Variants in EFEMP1 observed in about 807,000 individuals in gnomAD.
EFEMP1 encodes the protein EGF-containing fibulin-like extracellular matrix protein 1.
In EFEMP1, 18 loss-of-function variants were observed where a neutral mutation model predicts 65.7. The observed-to-expected ratio is 0.27, with a 90% CI of 0.19 to 0.41. The LOEUF (loss-of-function observed/expected upper bound fraction) is 0.41, where lower values mean the gene tolerates loss of function less well. EFEMP1 is among the 10% of genes least tolerant of loss of function. EFEMP1 has a pLI of 1.00. For missense variants in EFEMP1, 469 were observed against 624.8 expected, an observed-to-expected ratio of 0.75 and a Z score of 2.66; for synonymous variants, 237 against 219.7, an observed-to-expected ratio of 1.08 and a Z score of -0.70.
chr2:55,904,016 C>G (rs1295752659), intron 5 of EFEMP1, among the ~76,000 whole-genome samples: 1 of 152,138 alleles, frequency 6.6e-6, no homozygotes, highest in Non-Finnish European at 1.5e-5. Flanking sequence ...AGAAGCAGCG[C>G]CTGGAAGATA....
chr2:55,909,655 T>G (rs1670408143), intron 5 of EFEMP1, among the ~76,000 whole-genome samples: 1 of 152,200 alleles, frequency 6.6e-6, no homozygotes, highest in Admixed American at 6.5e-5. Flanking sequence ...AACAGACTTT[T>G]GTCCTTAACC....
chr2:55,898,411 T>C (rs1669911046), intron 5 of EFEMP1, among the ~76,000 whole-genome samples: 1 of 152,218 alleles, frequency 6.6e-6, no homozygotes. Flanking sequence ...AAACTAATTA[T>C]TATGATCCAG....
chr2:55,879,445 A>G (rs1316737880), intron 6 of EFEMP1, among the ~76,000 whole-genome samples: 2 of 152,338 alleles, frequency 1.3e-5, no homozygotes, highest in East Asian at 3.9e-4. Flanking sequence ...CTATTATCCC[A>G]GTTCCTAGAA....
At chr2:55,872,923 T>C (rs1277625119) in intron 9 of EFEMP1, among the ~76,000 whole-genome samples, 3 of 152,080 alleles carry the variant, frequency 2.0e-5, no homozygotes, top group African/African-American at 7.2e-5. Flanking sequence ...TATAATTTCA[T>C]TTATTACTTC....
chr2:55,918,020 A>G lies in EFEMP1; in HGVS notation c.162T>C (p.Ala54=). The change falls in exon 5 of 12, where the codon GCT becomes GCC. Residue 54 remains alanine, a synonymous_variant. Coordinates refer to ENST00000355426, the MANE Select transcript of EFEMP1 (RefSeq NM_001039348.3). Reference sequence around the variant, plus strand: ...TGACACACTTCATTCCACCTTTACAAGCGTCTGGGACAATGTCACATTCAT... The same window carrying G: ...TGACACACTTCATTCCACCTTTACAGGCGTCTGGGACAATGTCACATTCAT... ...DIDECDIVPD[A]CKGGMKCVNH... The G allele has an allele frequency of 1.2e-6, 2 of 1,614,234 alleles. No homozygotes were observed. The highest frequency in any genetic ancestry group is 1.6e-4 in the Middle Eastern group (1 of 6,062).
intron 5 of EFEMP1, among the ~76,000 whole-genome samples, chr2:55,912,465 T>A (rs906057095): frequency 2.0e-5 from 3 of 152,312 alleles, no homozygotes; most frequent in African/African-American, 7.2e-5. Context: ...AAGAAAGATA[T>A]CCCTAGCATC....
In EFEMP1 at chr2:55,923,579, C is replaced by T. The variant is rs962387163; in HGVS notation, c.-49+132G>A. On this transcript the variant is annotated intron_variant, in intron 1 of 11. Coordinates refer to ENST00000355426, the MANE Select transcript of EFEMP1 (RefSeq NM_001039348.3). The surrounding 1 kb of genome is among the most constrained non-coding windows in gnomAD (Gnocchi z 5.3). The stretch of plus-strand genomic sequence containing the variant: ...GCACACCTCCACCTCCCTCTCTGCC[C>T]GAGACACCCTGCACAGTCCAGGGCA... 2 of 984,832 alleles carry T rather than the reference C, an allele frequency of 2.0e-6. No homozygotes were observed. The highest frequency in any genetic ancestry group is 3.5e-5 in the African/African-American group (2 of 57,344). 61.0% of individuals were successfully genotyped at this position (984,832 alleles called of 1,614,324 possible). A position where few individuals can be genotyped will look rare whatever the true frequency, so the allele number is the denominator to read the frequency against.
chr2:55,913,331 A>G (rs1306033388), intron 5 of EFEMP1, among the ~76,000 whole-genome samples: 2 of 152,102 alleles, frequency 1.3e-5, no homozygotes, highest in South Asian at 2.1e-4. Context: ...ATATTTCTCA[A>G]TGATACTTTA....
In EFEMP1 at chr2:55,873,066, CCACACA is replaced by C. The variant is rs58841515; in HGVS notation, c.1000+1874_1000+1879del. On this transcript the variant is annotated intron_variant, in intron 9 of 11. Transcript: ENST00000355426. This position sits in a 1 kb window ranked among gnomAD's most constrained non-coding sequence, Gnocchi z 4.6. ...TTCTTTTGTCTCTCTGTCTCTCTCT[CCACACA>C]CACACACACACACACACACACACAC... 0.016 allele frequency among the ~76,000 whole-genome samples: 2,315 copies of C among 145,388 alleles called. 73 individuals carry two copies. Among genetic ancestry groups the C allele is most frequent in the South Asian group, 0.14 (605 of 4,394 alleles).
At chr2:55,879,717 TG>T (rs1669170712) in intron 6 of EFEMP1, among the ~76,000 whole-genome samples, 1 of 152,164 alleles carries the variant, frequency 6.6e-6, no homozygotes, top group Non-Finnish European at 1.5e-5. Context: ...CTACTTGAAG[TG>T]TGGCCTGCTG....
intron 6 of EFEMP1, among the ~76,000 whole-genome samples, chr2:55,881,400 T>C (rs1252185237): frequency 6.6e-6 from 1 of 152,222 alleles, no homozygotes; most frequent in Non-Finnish European, 1.5e-5. Context: ...TTGCTTCGTC[T>C]AACATTTAAC....
chr2:55,873,676 G>A lies in EFEMP1; in HGVS notation c.1000+1270C>T, dbSNP rs969933938. On this transcript the variant is annotated intron_variant, in intron 9 of 11. Transcript: ENST00000355426. This position sits in a 1 kb window ranked among gnomAD's most constrained non-coding sequence, Gnocchi z 4.6. Reference sequence around the variant, plus strand: ...ACATTTATAAAGTCTCTAGTAACCTGGAAAGGGTTATAAAGATGTTCATTG... The same window carrying A: ...ACATTTATAAAGTCTCTAGTAACCTAGAAAGGGTTATAAAGATGTTCATTG... Among the ~76,000 whole-genome samples the A allele has an allele frequency of 5.9e-5, 9 of 151,954 alleles. No homozygotes were observed. Among genetic ancestry groups the A allele is most frequent in the African/African-American group, 1.9e-4 (8 of 41,390 alleles).
chr2:55,915,485 G>A (rs1003884896), intron 5 of EFEMP1, among the ~76,000 whole-genome samples: 16 of 152,150 alleles, frequency 1.1e-4, no homozygotes, highest in African/African-American at 2.4e-4. Flanking sequence ...AGTTTCTACC[G>A]TAACCAATAC....
At position 55,917,574 on chromosome 2, in the gene EFEMP1, G is replaced by A. The variant is rs987295940; in HGVS notation, c.517+91C>T. On this transcript the variant is annotated intron_variant, in intron 5 of 11. Coordinates refer to ENST00000355426, the MANE Select transcript of EFEMP1 (RefSeq NM_001039348.3). This position sits in a 1 kb window ranked among gnomAD's most constrained non-coding sequence, Gnocchi z 6.3. Reference sequence around the variant, plus strand: ...AAGCACTTAGCATGATGTCTGGCACGCGAGAAGTCCTTAATAAATTATCAT... The same window carrying A: ...AAGCACTTAGCATGATGTCTGGCACACGAGAAGTCCTTAATAAATTATCAT... 1.2e-5 allele frequency: 19 copies of A among 1,526,978 alleles called. No individual in the cohort carries two copies. Among genetic ancestry groups the A allele is most frequent in the Middle Eastern group, 1.7e-4 (1 of 5,922 alleles). The allele number at this position is 1,526,978 out of a possible 1,614,324, so 94.6% of individuals were successfully genotyped here.
intron 6 of EFEMP1, among the ~76,000 whole-genome samples, chr2:55,881,050 C>G (rs562408803): frequency 2.6e-5 from 4 of 152,230 alleles, no homozygotes; most frequent in African/African-American, 9.6e-5. Context: ...CAGAATACAA[C>G]GATAGCAAAC....
In EFEMP1 at chr2:55,922,366, C is replaced by T; in HGVS notation, c.75G>A (p.Thr25=). 1 of 1,613,662 alleles carries T rather than the reference C, an allele frequency of 6.2e-7. No individual in the cohort carries two copies. Among genetic ancestry groups the T allele is most frequent in the Non-Finnish European group, 8.5e-7 (1 of 1,179,660 alleles). Residue 25 remains threonine (T), a synonymous_variant, in exon 3 of 12, where the codon ACG becomes ACA. Coordinates refer to ENST00000355426, the MANE Select transcript of EFEMP1 (RefSeq NM_001039348.3). This position sits in a 1 kb window ranked among gnomAD's most constrained non-coding sequence, Gnocchi z 5.5. Reference sequence around the variant, plus strand: ...AAATTCCATCACCCCTTACCGTGTACGTGATGGTTTCTTCGGTGTCCTGTG... The same window carrying T: ...AAATTCCATCACCCCTTACCGTGTATGTGATGGTTTCTTCGGTGTCCTGTG... The part of the protein sequence containing the change: ...VKSQDTEETI[T]YTQCTDGYEW...
chr2:55,867,457 TA>T lies in EFEMP1; in HGVS notation c.1321-224del, dbSNP rs200329602. Among the ~76,000 whole-genome samples, 606 of 149,128 alleles carry T rather than the reference TA, an allele frequency of 4.1e-3. 3 individuals are homozygous for T. Among genetic ancestry groups the T allele is most frequent in the African/African-American group, 0.014 (562 of 40,140 alleles). ...TCAAGGACTTGCTTTTTTTTTTTTT[TA>T]AATAGTTCTTTGTTTTTGATTCCTC... On this transcript the variant is annotated intron_variant, in intron 11 of 11. Coordinates refer to ENST00000355426, the MANE Select transcript of EFEMP1 (RefSeq NM_001039348.3). The surrounding 1 kb of genome is among the most constrained non-coding windows in gnomAD (Gnocchi z 4.3).
chr2:55,922,468 A>G lies in EFEMP1; in HGVS notation c.-7-21T>C. Reference sequence around the variant, plus strand: ...TGAATCTCAAAGAAAATACAGGACAAACTAATGTTTAGTATCTGCTGCGGG... The same window carrying G: ...TGAATCTCAAAGAAAATACAGGACAGACTAATGTTTAGTATCTGCTGCGGG... On this transcript the variant is annotated intron_variant, in intron 2 of 11. Transcript: ENST00000355426. This position sits in a 1 kb window ranked among gnomAD's most constrained non-coding sequence, Gnocchi z 5.5. The G allele has an allele frequency of 6.2e-7, 1 of 1,606,096 alleles. No individual in the cohort carries two copies. Among genetic ancestry groups the G allele is most frequent in the Non-Finnish European group, 8.5e-7 (1 of 1,173,072 alleles).
chr2:55,918,122 A>T (rs914030561), intron 4 of EFEMP1, 71 bp from the exon 5 acceptor site: 4 of 1,613,318 alleles, frequency 2.5e-6, no homozygotes, highest in Non-Finnish European at 3.4e-6. Flanking sequence ...TATAATGCTC[A>T]TGCCTTTTTG....
Sources: allele counts gnomAD v4.1 joint callset (sites outside exome capture counted in the v4.1 genomes callset), GRCh38; gene constraint gnomAD v4.1.1; non-coding constraint Gnocchi (gnomAD v3.1); transcripts MANE v1.5; gene names NCBI Gene and HGNC (gene_info 2026-07-23, HGNC 2026-07-21).